NKAIN2: variants seen among roughly 807,000 people sequenced by gnomAD.
NKAIN2 encodes sodium/potassium-transporting ATPase subunit beta-1-interacting protein 2.
A neutral mutation model predicts 32.6 loss-of-function variants in NKAIN2; 14 were observed. The observed-to-expected ratio is 0.43, with a 90% CI of 0.28 to 0.67. NKAIN2 has a LOEUF of 0.67. Among genes scored for constraint, NKAIN2 ranks in the 30% least tolerant of loss-of-function variants. The probability of loss-of-function intolerance (pLI) is 0.17; values close to 1 mark genes in which losing one functional copy is unlikely to be tolerated. For synonymous variants in NKAIN2, 80 were observed against 87.2 expected (o/e 0.92, Z 0.46); for missense variants, 198 against 258.3 (o/e 0.77, Z 1.60).
chr6:124,217,117 A>G (rs1582865711), intron 1 of NKAIN2, among the ~76,000 whole-genome samples: 2 of 152,194 alleles, frequency 1.3e-5, no homozygotes, highest in Non-Finnish European at 1.5e-5. Context: ...AGGCAAAGCT[A>G]AAATTAATAT....
At chr6:124,254,242 A>G (rs1191304290) in intron 1 of NKAIN2, among the ~76,000 whole-genome samples, 1 of 152,160 alleles carries the variant, frequency 6.6e-6, no homozygotes, top group Non-Finnish European at 1.5e-5. Context: ...ATGAGCCACC[A>G]TGCCTGGCCT....
chr6:124,422,329 G>A (rs1339289321), intron 3 of NKAIN2, among the ~76,000 whole-genome samples: 3 of 151,820 alleles, frequency 2.0e-5, no homozygotes, highest in Non-Finnish European at 2.9e-5. Context: ...ACTTTTAAAG[G>A]CCAAGCAGAA....
chr6:124,545,811 CACA>C (rs1780075706), intron 3 of NKAIN2, among the ~76,000 whole-genome samples: 1 of 151,940 alleles, frequency 6.6e-6, no homozygotes, highest in Admixed American at 6.6e-5. Flanking sequence ...TTCACTTACC[CACA>C]ATGCAACTAC....
chr6:123,840,792 A>G (rs1208054439), intron 1 of NKAIN2, among the ~76,000 whole-genome samples: 1 of 152,164 alleles, frequency 6.6e-6, no homozygotes, highest in Non-Finnish European at 1.5e-5. Context: ...TGTATGTATT[A>G]GAAAGAACAC....
At chr6:124,129,525 CT>C (rs1163749934) in intron 1 of NKAIN2, among the ~76,000 whole-genome samples, 2 of 152,158 alleles carry the variant, frequency 1.3e-5, no homozygotes, top group Non-Finnish European at 2.9e-5. Flanking sequence ...TATCACCCCC[CT>C]CAGTTGAAGA....
At chr6:124,418,533 CA>C (rs1774600345) in intron 3 of NKAIN2, among the ~76,000 whole-genome samples, 1 of 146,304 alleles carries the variant, frequency 6.8e-6, no homozygotes, top group African/African-American at 2.5e-5. Context: ...ACTTTATAAA[CA>C]AAAGGGATTA....
intron 2 of NKAIN2, among the ~76,000 whole-genome samples, chr6:124,343,063 T>G (rs1425857461): frequency 6.8e-6 from 1 of 147,516 alleles, no homozygotes; most frequent in Non-Finnish European, 1.5e-5. Flanking sequence ...TTCCCATCTA[T>G]GAGTGAGAAC....
chr6:124,724,900 C>T (rs1056363766), intron 4 of NKAIN2, among the ~76,000 whole-genome samples: 2 of 152,078 alleles, frequency 1.3e-5, no homozygotes, highest in Non-Finnish European at 2.9e-5. Flanking sequence ...GATAATTTAC[C>T]CTAAATTCTT....
chr6:124,821,393 G>A (rs1303085135), intron 6 of NKAIN2, among the ~76,000 whole-genome samples: 1 of 151,846 alleles, frequency 6.6e-6, no homozygotes, highest in Non-Finnish European at 1.5e-5. Flanking sequence ...CAATATGAGT[G>A]ACCAATAAAT....
intron 3 of NKAIN2, among the ~76,000 whole-genome samples, chr6:124,537,133 C>G (rs1779746001): frequency 6.6e-6 from 1 of 152,174 alleles, no homozygotes; most frequent in African/African-American, 2.4e-5. Flanking sequence ...TGCAGTTTCT[C>G]TTCCCCAGGC....
rs73565673 is a variant in NKAIN2 at position 124,283,300 on chromosome 6, A to G, written c.192+158A>G. 9.0e-3 allele frequency: 4,973 copies of G among 551,604 alleles called. 147 individuals are homozygous for G. The highest frequency in any genetic ancestry group is 0.074 in the African/African-American group (3,937 of 52,918). 34.2% of individuals were successfully genotyped at this position (551,604 alleles called of 1,614,324 possible). A position where few individuals can be genotyped will look rare whatever the true frequency, so the allele number is the denominator to read the frequency against. ...ATTTTCATAGTTTCAGATTCCATCA[A>G]CAGTAATTGAAAATGTCAGGTTTAA... On this transcript the variant is annotated intron_variant, in intron 2 of 6. Transcript: ENST00000368417.
intron 5 of NKAIN2, among the ~76,000 whole-genome samples, chr6:124,810,392 C>G (rs1780835579): frequency 1.3e-5 from 2 of 151,874 alleles, no homozygotes; most frequent in South Asian, 4.2e-4. Flanking sequence ...AACAAAAAAC[C>G]AAACACCGCA....
chr6:124,467,738 G>T (rs954244521), intron 3 of NKAIN2, among the ~76,000 whole-genome samples: 9 of 151,816 alleles, frequency 5.9e-5, no homozygotes, highest in African/African-American at 2.2e-4. Flanking sequence ...TTAACATCTG[G>T]TACAAATAAA....
intron 1 of NKAIN2, among the ~76,000 whole-genome samples, chr6:124,043,132 C>A (rs897898145): frequency 6.6e-6 from 1 of 151,882 alleles, no homozygotes; most frequent in African/African-American, 2.4e-5. Context: ...CCGAGGTGGG[C>A]GGATCATTTG....
intron 1 of NKAIN2, among the ~76,000 whole-genome samples, chr6:124,150,110 T>G (rs890686434): frequency 7.9e-5 from 12 of 152,100 alleles, no homozygotes; most frequent in African/African-American, 2.7e-4. Context: ...CTTCAGCTAT[T>G]CTCCCCCCTG....
chr6:124,786,953 T>G (rs1779531042), intron 4 of NKAIN2, among the ~76,000 whole-genome samples: 1 of 152,142 alleles, frequency 6.6e-6, no homozygotes, highest in Non-Finnish European at 1.5e-5. Flanking sequence ...CAAGCTTCTC[T>G]GAACTGGGCC....
intron 3 of NKAIN2, among the ~76,000 whole-genome samples, chr6:124,617,375 T>C (rs1038542284): frequency 1.3e-5 from 2 of 152,200 alleles, no homozygotes; most frequent in Non-Finnish European, 2.9e-5. Flanking sequence ...CCCATGCATG[T>C]CTCATGCTTG....
chr6:124,049,443 AC>A (rs1782300049), intron 1 of NKAIN2, among the ~76,000 whole-genome samples: 1 of 151,954 alleles, frequency 6.6e-6, no homozygotes, highest in Non-Finnish European at 1.5e-5. Flanking sequence ...TATGAAGAGA[AC>A]CTGAAGGCAA....
intron 4 of NKAIN2, among the ~76,000 whole-genome samples, chr6:124,738,395 A>G (rs1773384327): frequency 6.6e-6 from 1 of 151,930 alleles, no homozygotes; most frequent in Admixed American, 6.6e-5. Flanking sequence ...TGGTTCAATA[A>G]TGTATAGCTT....
Sources: allele counts gnomAD v4.1 joint callset (sites outside exome capture counted in the v4.1 genomes callset), GRCh38; gene constraint gnomAD v4.1.1; transcripts MANE v1.5; gene names NCBI Gene and HGNC (gene_info 2026-07-23, HGNC 2026-07-21).